Variants in DCC observed in about 807,000 individuals in gnomAD.
DCC encodes netrin receptor DCC.
Under a neutral mutation model 172.5 loss-of-function variants are expected in DCC, and 58 were observed. The ratio of observed to expected loss-of-function variants is 0.34; its 90% CI spans 0.27 to 0.42. The LOEUF (loss-of-function observed/expected upper bound fraction) is 0.42. Among genes scored for constraint, DCC ranks in the 10% least tolerant of loss-of-function variants. The pLI, the probability that DCC is intolerant of heterozygous loss-of-function variation, is 1.00. For missense variants in DCC, 1,740 were observed against 1,791.0 expected (o/e 0.97, Z 0.51); for synonymous variants, 709 against 644.5 (o/e 1.10, Z -1.52).
intron 5 of DCC, among the ~76,000 whole-genome samples, chr18:53,009,314 A>G (rs937989651): frequency 9.2e-5 from 14 of 152,018 alleles, no homozygotes; most frequent in African/African-American, 3.4e-4. Context: ...GATATAACAT[A>G]ATAAAAATCA....
rs560580583 is a variant in DCC, at chr18:53,178,872, T to C, written c.1419-90T>C. ...ATTAGATGAGTGAGCAACCTTTTGG[T>C]TCACCTCACTACTCTTGCACATCAA... On this transcript the variant is annotated intron_variant, in intron 8 of 28. Transcript: ENST00000442544. The C allele has an allele frequency of 1.1e-5, 16 of 1,402,978 alleles. No homozygotes were observed. The South Asian group carries it at 1.8e-4, about 16-fold the overall frequency. 86.9% of individuals were successfully genotyped at this position (1,402,978 alleles called of 1,614,324 possible). A position where few individuals can be genotyped will look rare whatever the true frequency, so the allele number is the denominator to read the frequency against.
At chr18:52,914,376 G>A (rs533515701) in intron 3 of DCC, among the ~76,000 whole-genome samples, 7 of 152,202 alleles carry the variant, frequency 4.6e-5, no homozygotes, top group African/African-American at 1.7e-4. Flanking sequence ...CAATATGTAT[G>A]TGTACATAGA....
intron 1 of DCC, among the ~76,000 whole-genome samples, chr18:52,522,422 G>A (rs2031848773): frequency 6.6e-6 from 1 of 152,068 alleles, no homozygotes; most frequent in Admixed American, 6.5e-5. Flanking sequence ...AATTCTCAAT[G>A]AGACCCCCTG....
In DCC at chr18:52,970,527, G is replaced by A. The variant is rs184130007; in HGVS notation, c.985+45157G>A. ...TTAAGTAATGGAGATTTTTCTAAGT[G>A]TAAACCTAAAGACATATTGTTTAGA... On this transcript the variant is annotated intron_variant, in intron 5 of 28. Coordinates refer to ENST00000442544, the MANE Select transcript of DCC (RefSeq NM_005215.4). Among the ~76,000 whole-genome samples the A allele has an allele frequency of 5.9e-4, 90 of 152,194 alleles. 1 individual carries two copies. The highest frequency in any genetic ancestry group is 2.0e-3 in the African/African-American group (85 of 41,536).
intron 5 of DCC, among the ~76,000 whole-genome samples, chr18:52,994,086 T>C (rs919013178): frequency 6.6e-6 from 1 of 152,140 alleles, no homozygotes; most frequent in African/African-American, 2.4e-5. Flanking sequence ...GTAGCCACTA[T>C]GTCTCAGGAA....
chr18:52,722,023 CA>C (rs1165670122), intron 1 of DCC, among the ~76,000 whole-genome samples: 3 of 151,666 alleles, frequency 2.0e-5, no homozygotes, highest in Non-Finnish European at 4.4e-5. Flanking sequence ...GACTCTGCCT[CA>C]AAAAAATTTA....
chr18:53,361,668 C>T (rs1402167690), intron 15 of DCC, among the ~76,000 whole-genome samples: 1 of 152,110 alleles, frequency 6.6e-6, no homozygotes, highest in African/African-American at 2.4e-5. Flanking sequence ...AAATTAGAAA[C>T]AATACCAATT....
intron 1 of DCC, among the ~76,000 whole-genome samples, chr18:52,405,210 T>C (rs1598791156): frequency 1.3e-5 from 2 of 150,396 alleles, no homozygotes; most frequent in Admixed American, 6.6e-5. Context: ...ATGGTATTTC[T>C]AGTTCTAGAT....
intron 19 of DCC, among the ~76,000 whole-genome samples, chr18:53,406,703 C>CAAAAAAAA (rs35372678): frequency 2.2e-5 from 2 of 92,276 alleles, no homozygotes; most frequent in Non-Finnish European, 2.6e-5. Flanking sequence ...GACTCTGTCT[C>CAAAAAAAA]AAAAAAAAAA....
At position 52,906,144 on chromosome 18, in the gene DCC, C is replaced by A. The variant is rs746357250; in HGVS notation, c.513C>A (p.Ile171=). The change falls in exon 3 of 29, where the codon ATC becomes ATA. Residue 171 remains isoleucine, a synonymous_variant. Transcript: ENST00000442544. ...CEVIGEPMPT[I]HWQKNQQDLT... ...TCATTGGGGAGCCCATGCCAACAAT[C>A]CACTGGCAGAAGAACCAACAAGACC... 6.2e-7 allele frequency: 1 copy of A among 1,614,024 alleles called. No homozygotes were observed. Among genetic ancestry groups the A allele is most frequent in the Admixed American group, 1.7e-5 (1 of 59,996 alleles).
intron 5 of DCC, among the ~76,000 whole-genome samples, chr18:52,961,073 T>G (rs116099099): frequency 1.1e-3 from 168 of 152,196 alleles, no homozygotes; most frequent in African/African-American, 3.7e-3. Flanking sequence ...ATTTACTAAA[T>G]ATTTGAAATT....
intron 1 of DCC, among the ~76,000 whole-genome samples, chr18:52,418,484 CT>C (rs1428781071): frequency 6.6e-6 from 1 of 152,158 alleles, no homozygotes; most frequent in Non-Finnish European, 1.5e-5. Flanking sequence ...CAATGGCCAA[CT>C]CAAACGAAAG....
chr18:52,589,455 A>G (rs2033750299), intron 1 of DCC, among the ~76,000 whole-genome samples: 1 of 152,194 alleles, frequency 6.6e-6, no homozygotes, highest in Non-Finnish European at 1.5e-5. Context: ...GGCTTTGGAT[A>G]TTATCAGGGT....
intron 3 of DCC, among the ~76,000 whole-genome samples, chr18:52,915,687 T>C (rs1416495674): frequency 1.3e-5 from 2 of 152,054 alleles, no homozygotes; most frequent in African/African-American, 2.4e-5. Flanking sequence ...ATTGAACATA[T>C]TTAATTTTGC....
At chr18:52,695,458 A>C (rs564578041) in intron 1 of DCC, among the ~76,000 whole-genome samples, 1 of 152,326 alleles carries the variant, frequency 6.6e-6, no homozygotes, top group South Asian at 2.1e-4. Flanking sequence ...AAAAACCCTG[A>C]ATTGTGTCAA....
At chr18:52,844,408 A>C (rs772921328) in intron 2 of DCC, among the ~76,000 whole-genome samples, 9 of 152,178 alleles carry the variant, frequency 5.9e-5, no homozygotes, top group Non-Finnish European at 1.2e-4. Flanking sequence ...TCCATTTAGG[A>C]AAATCATCTT....
intron 2 of DCC, among the ~76,000 whole-genome samples, chr18:52,860,234 A>T (rs2039118724): frequency 6.6e-6 from 1 of 152,234 alleles, no homozygotes; most frequent in African/African-American, 2.4e-5. Context: ...TCAGGTGTTC[A>T]AGTGAACTTT....
chr18:52,759,998 G>T (rs1214704641), intron 2 of DCC, among the ~76,000 whole-genome samples: 1 of 152,160 alleles, frequency 6.6e-6, no homozygotes, highest in Non-Finnish European at 1.5e-5. Flanking sequence ...CTTGAGTAAG[G>T]TCTGATTGTT....
chr18:52,492,471 G>A (rs1174366896), intron 1 of DCC, among the ~76,000 whole-genome samples: 3 of 151,896 alleles, frequency 2.0e-5, no homozygotes, highest in Admixed American at 1.3e-4. Flanking sequence ...ATAGAAGCAG[G>A]GGTGGTTTCT....
Sources: gnomAD v4.1 joint callset for allele counts (sites outside exome capture counted in the v4.1 genomes callset) on GRCh38, gnomAD v4.1.1 for gene constraint, MANE v1.5 for transcripts, NCBI Gene and HGNC (gene_info 2026-07-23, HGNC 2026-07-21) for gene names.